NAV3: variants seen among roughly 807,000 people sequenced by gnomAD.
The protein encoded by NAV3 is neuron navigator 3, also known as pore membrane and/or filament interacting like protein 1.
NAV3 carries 87 observed loss-of-function variants against 244.7 expected under a neutral mutation model. That is an observed-to-expected ratio of 0.36 (90% confidence interval 0.30 to 0.42). The LOEUF (loss-of-function observed/expected upper bound fraction) is 0.42, where lower values mean the gene tolerates loss of function less well. Among genes scored for constraint, NAV3 ranks in the 20% least tolerant of loss-of-function variants. The probability of loss-of-function intolerance (pLI) is 1.00; values close to 1 mark genes in which losing one functional copy is unlikely to be tolerated. For missense variants in NAV3, 2,663 were observed against 2,893.3 expected, an observed-to-expected ratio of 0.92 and a Z score of 1.83; for synonymous variants, 1,126 against 1,042.2, an observed-to-expected ratio of 1.08 and a Z score of -1.55.
In NAV3 at chr12:78,028,723, A is replaced by C. The variant is rs993401904; in HGVS notation, c.2023+6861A>C. On this transcript the variant is annotated intron_variant, in intron 9 of 39. Coordinates refer to ENST00000397909, the MANE Select transcript of NAV3 (RefSeq NM_001024383.2). ...TCTGTTGGTTTTGCAAACATTTTGC[A>C]TCAGCAATTCTTGCTCACTGCCAGG... Among the ~76,000 whole-genome samples, 12 of 152,358 alleles carry C rather than the reference A, an allele frequency of 7.9e-5. No individual in the cohort carries two copies. The East Asian group carries it at 2.1e-3, about 27-fold the overall frequency.
At chr12:77,691,061 T>C (rs1242906616) in intron 2 of NAV3, among the ~76,000 whole-genome samples, 1 of 150,568 alleles carries the variant, frequency 6.6e-6, no homozygotes, top group African/African-American at 2.4e-5. Flanking sequence ...ATGGCAGTTC[T>C]GATGACAGGA....
intron 2 of NAV3, among the ~76,000 whole-genome samples, chr12:77,627,660 A>G (rs1227142351): frequency 6.6e-6 from 1 of 152,214 alleles, no homozygotes; most frequent in Non-Finnish European, 1.5e-5. Context: ...AATATGATCC[A>G]GCAATTCCAC....
rs557695691 is a variant in NAV3 at position 77,680,606 on chromosome 12, A to T, written c.72+108340A>T. On this transcript the variant is annotated intron_variant, in intron 2 of 8. Coordinates refer to the NAV3 transcript ENST00000550042. Reference sequence around the variant, plus strand: ...GATGGTATTTTGTACTTCATTGCCAAATTCTTTTATCCTGTTTCTCTGTTG... The same window carrying T: ...GATGGTATTTTGTACTTCATTGCCATATTCTTTTATCCTGTTTCTCTGTTG... Among the ~76,000 whole-genome samples, 15 of 152,300 alleles carry T rather than the reference A, an allele frequency of 9.8e-5. No homozygotes were observed. In the South Asian group the frequency reaches 3.1e-3, roughly 32 times the overall value.
chr12:78,186,009 A>G (rs1033100596), intron 31 of NAV3, among the ~76,000 whole-genome samples: 3 of 151,786 alleles, frequency 2.0e-5, no homozygotes, highest in Non-Finnish European at 4.4e-5. Flanking sequence ...GGTTTCACTT[A>G]TTTGTTATAG....
At chr12:78,042,208 G>A (rs1880979863) in intron 9 of NAV3, among the ~76,000 whole-genome samples, 2 of 152,194 alleles carry the variant, frequency 1.3e-5, no homozygotes, top group South Asian at 4.1e-4. Context: ...AAGGTCACTA[G>A]CTTGGGGAAG....
chr12:78,103,123 T>C (rs540510931), intron 12 of NAV3, among the ~76,000 whole-genome samples: 38 of 152,276 alleles, frequency 2.5e-4, no homozygotes, highest in African/African-American at 8.4e-4. Context: ...TTCTGAACTT[T>C]TATGCTGTTT....
intron 12 of NAV3, among the ~76,000 whole-genome samples, chr12:78,092,056 T>G (rs908663486): frequency 2.0e-5 from 3 of 152,154 alleles, no homozygotes; most frequent in Non-Finnish European, 4.4e-5. Context: ...CCTACGGTAT[T>G]AGCACTGAGG....
intron 2 of NAV3, among the ~76,000 whole-genome samples, chr12:77,711,259 C>T (rs1323787333): frequency 6.6e-6 from 1 of 152,164 alleles, no homozygotes; most frequent in Non-Finnish European, 1.5e-5. Flanking sequence ...GATCTTCAGT[C>T]TTGTTAATGT....
intron 2 of NAV3, among the ~76,000 whole-genome samples, chr12:77,662,788 C>G (rs1029927066): frequency 1.3e-5 from 2 of 151,938 alleles, no homozygotes; most frequent in African/African-American, 4.8e-5. Flanking sequence ...GCTACTTAGA[C>G]AATGTGCAGA....
chr12:78,117,833 C>T (rs564453814), intron 13 of NAV3, among the ~76,000 whole-genome samples, 194 bp from the exon 14 acceptor site: 55 of 151,986 alleles, frequency 3.6e-4, no homozygotes, highest in Non-Finnish European at 5.3e-4. Context: ...GTGTTTTCTG[C>T]ATGTATTTAT....
intron 2 of NAV3, among the ~76,000 whole-genome samples, chr12:77,663,522 C>CTTCTT: frequency 7.2e-6 from 1 of 139,354 alleles, no homozygotes; most frequent in South Asian, 2.2e-4. Flanking sequence ...TCTTCTTCTT[C>CTTCTT]TTTTTTTTTT....
intron 12 of NAV3, among the ~76,000 whole-genome samples, chr12:78,100,998 G>A (rs1954509944): frequency 6.6e-6 from 1 of 152,046 alleles, no homozygotes; most frequent in Non-Finnish European, 1.5e-5. Context: ...GTCCTTCTCT[G>A]GAGTTTTCTT....
intron 1 of NAV3, among the ~76,000 whole-genome samples, chr12:77,867,623 T>C (rs1243338137): frequency 1.3e-5 from 2 of 152,130 alleles, no homozygotes; most frequent in African/African-American, 4.8e-5. Context: ...GGTTTCACTG[T>C]GTTAGCCAGG....
intron 1 of NAV3, among the ~76,000 whole-genome samples, chr12:77,916,025 T>C (rs1025806039): frequency 6.6e-6 from 1 of 151,988 alleles, no homozygotes; most frequent in South Asian, 2.1e-4. Context: ...AGTGATGGAA[T>C]TGCAATGGGA....
In NAV3 at chr12:78,190,151, A is replaced by G. The variant is rs1441491399; in HGVS notation, c.6223A>G (p.Thr2075Ala). 9.9e-6 allele frequency: 16 copies of G among 1,613,036 alleles called. No homozygotes were observed. The highest frequency in any genetic ancestry group is 1.3e-5 in the Non-Finnish European group (15 of 1,179,500). ...LANKLAEYVI[T>A]KSGRKKTEDA... ...AAACAAACTTGCTGAATATGTAATA[A>G]CCAAATCTGGAAGGAAAAAAACAGA... Residue 2075 changes from threonine to alanine, a missense_variant, in exon 34 of 40, where the codon ACC becomes GCC. Around this residue, in one of 6 missense-constraint regions of NAV3, gnomAD observed 543 missense variants for 672.4 expected, o/e 0.81. Coordinates refer to ENST00000397909, the MANE Select transcript of NAV3 (RefSeq NM_001024383.2).
chr12:77,593,233 C>T (rs1166013217), intron 2 of NAV3, among the ~76,000 whole-genome samples: 1 of 150,896 alleles, frequency 6.6e-6, no homozygotes, highest in Admixed American at 6.6e-5. Flanking sequence ...AGATTATTAA[C>T]ACATTAATTC....
chr12:77,794,767 A>T (rs1871332151), intron 2 of NAV3, among the ~76,000 whole-genome samples: 1 of 152,306 alleles, frequency 6.6e-6, no homozygotes, highest in South Asian at 2.1e-4. Flanking sequence ...TGTATTTGGT[A>T]TGGTGATCTG....
chr12:77,808,655 G>C (rs1193776698), intron 2 of NAV3, among the ~76,000 whole-genome samples: 1 of 152,204 alleles, frequency 6.6e-6, no homozygotes, highest in African/African-American at 2.4e-5. Flanking sequence ...GCAGGGATCA[G>C]GGACCCACTT....
intron 2 of NAV3, among the ~76,000 whole-genome samples, chr12:77,614,307 T>A (rs570865225): frequency 3.7e-4 from 56 of 152,102 alleles, no homozygotes; most frequent in African/African-American, 1.3e-3. Context: ...TGATAATCAC[T>A]GCTCTTTAAG....
Sources: allele counts gnomAD v4.1 joint callset (sites outside exome capture counted in the v4.1 genomes callset), GRCh38; gene constraint gnomAD v4.1.1; regional missense constraint gnomAD v4.1.1; transcripts MANE v1.5; gene names NCBI Gene and HGNC (gene_info 2026-07-23, HGNC 2026-07-21).